The following STPG2 variants were observed in gnomAD, a reference collection of about 807,000 sequenced individuals.
STPG2 encodes the protein sperm-tail PG-rich repeat-containing protein 2.
A neutral mutation model predicts 54.2 loss-of-function variants in STPG2; 56 were observed. That is an observed-to-expected ratio of 1.03 (90% CI 0.83 to 1.29). The LOEUF (loss-of-function observed/expected upper bound fraction) is 1.29. Among genes scored for constraint, STPG2 ranks in the 50% most tolerant of loss-of-function variants. The probability of loss-of-function intolerance (pLI) is 0.00; values close to 1 mark genes in which losing one functional copy is unlikely to be tolerated. For synonymous variants in STPG2, 200 were observed against 181.8 expected (o/e 1.10, Z -0.81); for missense variants, 596 against 544.9 (o/e 1.09, Z -0.93).
chr4:97,716,649 T>C (rs1724296557), intron 9 of STPG2, among the ~76,000 whole-genome samples: 2 of 138,060 alleles, frequency 1.4e-5, no homozygotes, highest in South Asian at 2.2e-4. Flanking sequence ...AGATGAACAA[T>C]GAGAACACAT....
At chr4:97,784,183 A>C (rs889101021) in intron 9 of STPG2, among the ~76,000 whole-genome samples, 2 of 152,120 alleles carry the variant, frequency 1.3e-5, no homozygotes, top group Non-Finnish European at 2.9e-5. Context: ...CAATCAGCCA[A>C]AAATGAAGAT....
chr4:97,875,728 C>CA (rs145853433), intron 8 of STPG2, among the ~76,000 whole-genome samples: 3,754 of 151,780 alleles, frequency 0.025, 102 homozygotes, highest in African/African-American at 0.072. Flanking sequence ...AATTAGTATG[C>CA]AAATATTAAG....
chr4:97,527,001 CTT>C (rs369918959), intron 4 of STPG2, among the ~76,000 whole-genome samples: 5 of 141,444 alleles, frequency 3.5e-5, no homozygotes, highest in African/African-American at 7.7e-5. Context: ...GCTGCCAAAG[CTT>C]TTTTTTTTTT....
intron 1 of STPG2, among the ~76,000 whole-genome samples, chr4:98,138,010 G>C (rs553523584): frequency 6.6e-6 from 1 of 151,952 alleles, no homozygotes; most frequent in Non-Finnish European, 1.5e-5. Context: ...ATTCATAGCT[G>C]TGTGCCTAAT....
chr4:97,633,992 A>T (rs770776801), intron 10 of STPG2, among the ~76,000 whole-genome samples: 20 of 152,196 alleles, frequency 1.3e-4, no homozygotes, highest in Non-Finnish European at 2.4e-4. Flanking sequence ...AGCCCACCAC[A>T]GCTCAAGGAG....
chr4:98,093,000 A>C (rs1738735358), intron 5 of STPG2, among the ~76,000 whole-genome samples: 1 of 152,166 alleles, frequency 6.6e-6, no homozygotes, highest in African/African-American at 2.4e-5. Context: ...TGAATGAATA[A>C]ATAAGGTGTT....
At chr4:97,777,710 A>G (rs1333250461) in intron 9 of STPG2, among the ~76,000 whole-genome samples, 1 of 152,198 alleles carries the variant, frequency 6.6e-6, no homozygotes, top group Non-Finnish European at 1.5e-5. Flanking sequence ...AGATAAATTC[A>G]GTTAACTTCT....
intron 10 of STPG2, among the ~76,000 whole-genome samples, chr4:97,652,965 C>A (rs964588579): frequency 1.3e-5 from 2 of 151,808 alleles, no homozygotes; most frequent in Non-Finnish European, 2.9e-5. Flanking sequence ...TCCTCATATA[C>A]CTTTAGCAGG....
chr4:97,782,838 C>T (rs920169867), intron 9 of STPG2, among the ~76,000 whole-genome samples: 3 of 152,116 alleles, frequency 2.0e-5, no homozygotes, highest in Admixed American at 6.5e-5. Flanking sequence ...GAAAGGATTC[C>T]CTATTTAATA....
chr4:97,543,166 T>C (rs1247811524), intron 4 of STPG2, among the ~76,000 whole-genome samples: 1 of 150,980 alleles, frequency 6.6e-6, no homozygotes, highest in Admixed American at 6.6e-5. Context: ...TAAAGACCAG[T>C]AAATCCTACA....
At chr4:98,136,840 A>G (rs1740148120) in intron 1 of STPG2, among the ~76,000 whole-genome samples, 1 of 151,730 alleles carries the variant, frequency 6.6e-6, no homozygotes, top group African/African-American at 2.4e-5. Context: ...GCAACCACTT[A>G]AAAATAAAAC....
intron 5 of STPG2, among the ~76,000 whole-genome samples, chr4:98,083,527 G>C (rs142783207): frequency 2.0e-3 from 302 of 152,234 alleles, no homozygotes; most frequent in African/African-American, 7.1e-3. Context: ...CAAAAAGCAA[G>C]TGTTTATAGG....
intron 8 of STPG2, among the ~76,000 whole-genome samples, chr4:97,881,432 T>A (rs1263159906): frequency 1.3e-5 from 2 of 152,176 alleles, no homozygotes; most frequent in Non-Finnish European, 2.9e-5. Context: ...TAATATGACC[T>A]TGCAAAAGCA....
At chr4:97,602,599 T>C (rs991636183) in intron 10 of STPG2, among the ~76,000 whole-genome samples, 2 of 151,798 alleles carry the variant, frequency 1.3e-5, no homozygotes, top group Non-Finnish European at 3.0e-5. Flanking sequence ...AAATTCCTTC[T>C]AACACTGATT....
chr4:97,486,804 G>GGTGTGTGTGTGT (rs546341277), intron 4 of STPG2, among the ~76,000 whole-genome samples: 13 of 130,894 alleles, frequency 9.9e-5, no homozygotes, highest in African/African-American at 3.6e-4. Flanking sequence ...AAGAAACTGT[G>GGTGTGTGTGTGT]GTGTGTGTGT....
intron 9 of STPG2, among the ~76,000 whole-genome samples, chr4:97,749,568 T>TA (rs1488312425): frequency 6.6e-6 from 1 of 151,772 alleles, no homozygotes; most frequent in Non-Finnish European, 1.5e-5. Flanking sequence ...TAGGCCAAAG[T>TA]AAAAAAATAT....
chr4:97,951,921 G>A (rs1042265719), intron 7 of STPG2, among the ~76,000 whole-genome samples: 1 of 152,248 alleles, frequency 6.6e-6, no homozygotes, highest in South Asian at 2.1e-4. Context: ...CTGGCTGGAG[G>A]TTGGGAGAAG....
At chr4:98,113,278 G>A (rs4699601) in intron 3 of STPG2, among the ~76,000 whole-genome samples, 59,991 of 151,710 alleles carry the variant, frequency 0.4, 12,099 homozygotes, top group Middle Eastern at 0.45. Flanking sequence ...AGACTTATTC[G>A]GGAGCATAGC....
At position 97,475,985 on chromosome 4, in the gene STPG2, T is replaced by C. The variant is rs181088861; in HGVS notation, c.462+236714A>G. Among the ~76,000 whole-genome samples, 279 of 152,332 alleles carry C rather than the reference T, an allele frequency of 1.8e-3. 1 individual carries two copies. Among genetic ancestry groups the C allele is most frequent in the African/African-American group, 6.4e-3 (266 of 41,574 alleles). ...CTTGTTTATATGTTTATTTTTTCTCTGTACCATTAGAATGTAAGCTCTTGG... is the reference window on the plus strand; with the variant it reads ...CTTGTTTATATGTTTATTTTTTCTCCGTACCATTAGAATGTAAGCTCTTGG... On this transcript the variant is annotated intron_variant, in intron 4 of 4. Coordinates refer to the STPG2 transcript ENST00000522676.
Sources: gnomAD v4.1 joint callset for allele counts (sites outside exome capture counted in the v4.1 genomes callset) on GRCh38, gnomAD v4.1.1 for gene constraint, MANE v1.5 for transcripts, NCBI Gene and HGNC (gene_info 2026-07-23, HGNC 2026-07-21) for gene names.